The following BABAM2 variants were observed in gnomAD, a reference collection of about 807,000 sequenced individuals.
BABAM2 encodes BRISC and BRCA1 A complex member 2.
BABAM2 carries 31 observed loss-of-function variants against 54.7 expected under a neutral mutation model. The ratio of observed to expected loss-of-function variants is 0.57; its 90% CI spans 0.43 to 0.77. BABAM2 has a LOEUF of 0.77. BABAM2 is among the 30% of genes least tolerant of loss of function. The pLI, the probability that BABAM2 is intolerant of heterozygous loss-of-function variation, is 0.00. For missense variants in BABAM2, 364 were observed against 455.8 expected (o/e 0.80, Z 1.83); for synonymous variants, 167 against 162.9 (o/e 1.03, Z -0.19).
At chr2:28,258,666 T>C (rs2148125085) in intron 10 of BABAM2, among the ~76,000 whole-genome samples, 1 of 134,162 alleles carries the variant, frequency 7.5e-6, no homozygotes, top group African/African-American at 2.7e-5. Flanking sequence ...CAGGCTGTAG[T>C]GCAGTGGCGC....
chr2:28,298,438 A>C lies in BABAM2; in HGVS notation c.1035A>C (p.Lys345Asn). The C allele has an allele frequency of 6.2e-7, 1 of 1,614,218 alleles. No homozygotes were observed. Among genetic ancestry groups the C allele is most frequent in the South Asian group, 1.1e-5 (1 of 91,088 alleles). The change falls in exon 11 of 12, where the codon AAA becomes AAC. Residue 345 changes from lysine to asparagine, a missense_variant. By Grantham distance (94) the Lys-to-Asn change is moderately conservative (BLOSUM62 0). Coordinates refer to ENST00000379624, the MANE Select transcript of BABAM2 (RefSeq NM_199191.3). The part of the protein sequence containing the change: ...NSGQLYSQAQ[K>N]NYPYSPRWDG... ...GACAGCTTTACTCCCAGGCCCAAAA[A>C]AATTATCCGTACAGCCCCAGATGGG...
intron 4 of BABAM2, among the ~76,000 whole-genome samples, chr2:27,999,488 A>G (rs1573362358): frequency 6.6e-6 from 1 of 152,340 alleles, no homozygotes; most frequent in African/African-American, 2.4e-5. Flanking sequence ...ATACGGTTAC[A>G]AAAGTAGGTT....
intron 6 of BABAM2, among the ~76,000 whole-genome samples, chr2:28,110,848 T>TGCACAAG (rs1667944849): frequency 6.6e-6 from 1 of 152,178 alleles, no homozygotes; most frequent in Non-Finnish European, 1.5e-5. Context: ...CTCCAGTTTC[T>TGCACAAG]TGACATTCTC....
At chr2:28,021,936 A>G (rs1046163304) in intron 4 of BABAM2, among the ~76,000 whole-genome samples, 2 of 152,154 alleles carry the variant, frequency 1.3e-5, no homozygotes, top group African/African-American at 2.4e-5. Context: ...GCATGTCTAA[A>G]TTTGTGGCAC....
chr2:28,051,873 C>T (rs1678023922), intron 6 of BABAM2, among the ~76,000 whole-genome samples: 1 of 152,096 alleles, frequency 6.6e-6, no homozygotes, highest in African/African-American at 2.4e-5. Flanking sequence ...TGGTCTTGAA[C>T]TTCTGACCTC....
chr2:27,894,188 G>T (rs1262500465), intron 1 of BABAM2, among the ~76,000 whole-genome samples: 1 of 152,118 alleles, frequency 6.6e-6, no homozygotes, highest in Non-Finnish European at 1.5e-5. Context: ...AGGATTGTTA[G>T]CGAGGGCTCC....
intron 7 of BABAM2, among the ~76,000 whole-genome samples, chr2:28,131,596 G>A (rs959439469): frequency 6.6e-6 from 1 of 151,998 alleles, no homozygotes; most frequent in Non-Finnish European, 1.5e-5. Context: ...TCTTAGTGTT[G>A]TTTTCAGGAT....
chr2:28,076,197 C>T (rs570533987), intron 6 of BABAM2, among the ~76,000 whole-genome samples: 1 of 152,122 alleles, frequency 6.6e-6, no homozygotes, highest in South Asian at 2.1e-4. Flanking sequence ...TCGCTTGAGC[C>T]TGGGAGGTCA....
chr2:28,219,327 C>G (rs537705011), intron 7 of BABAM2, among the ~76,000 whole-genome samples: 46 of 152,354 alleles, frequency 3.0e-4, no homozygotes, highest in Non-Finnish European at 5.4e-4. Context: ...AATGGCAAGT[C>G]CAGTCCCTCT....
intron 7 of BABAM2, among the ~76,000 whole-genome samples, chr2:28,155,732 G>C (rs912918010): frequency 2.0e-5 from 3 of 152,144 alleles, no homozygotes; most frequent in Admixed American, 2.0e-4. Flanking sequence ...AGAAAAAACA[G>C]CATTTTCTTT....
intron 7 of BABAM2, among the ~76,000 whole-genome samples, chr2:28,145,736 T>TC (rs1339444105): frequency 6.6e-6 from 1 of 152,194 alleles, no homozygotes; most frequent in African/African-American, 2.4e-5. Context: ...CTCCCAGTTT[T>TC]CCCCAACCCT....
chr2:28,165,529 C>CTTTTTTTT (rs1192641957), intron 7 of BABAM2, among the ~76,000 whole-genome samples: 59 of 72,278 alleles, frequency 8.2e-4, no homozygotes, highest in South Asian at 1.9e-3. Flanking sequence ...TTTTTCCTTG[C>CTTTTTTTT]TTTTTTTTTT....
intron 10 of BABAM2, among the ~76,000 whole-genome samples, chr2:28,262,952 G>T (rs1440301118): frequency 6.6e-6 from 1 of 152,082 alleles, no homozygotes; most frequent in Non-Finnish European, 1.5e-5. Context: ...AAATTCCTGA[G>T]ATGGCCCGAC....
intron 6 of BABAM2, among the ~76,000 whole-genome samples, chr2:28,058,048 G>T (rs1235364495): frequency 6.6e-6 from 1 of 152,050 alleles, no homozygotes; most frequent in Non-Finnish European, 1.5e-5. Context: ...GGAGGCTGAG[G>T]CAGGAGAATG....
At chr2:27,904,313 A>G (rs1351921098) in intron 2 of BABAM2, among the ~76,000 whole-genome samples, 5 of 152,254 alleles carry the variant, frequency 3.3e-5, no homozygotes. Context: ...GGACTACTAT[A>G]CATCAAAAGT....
At chr2:28,317,810 T>A (rs1028275722) in intron 11 of BABAM2, among the ~76,000 whole-genome samples, 2 of 152,196 alleles carry the variant, frequency 1.3e-5, no homozygotes, top group African/African-American at 4.8e-5. Flanking sequence ...CAGTTCCTGT[T>A]TCTCCCCTTT....
chr2:27,987,894 C>A, intron 3 of BABAM2, 99 bp from the exon 4 acceptor site: 21 of 910,966 alleles, frequency 2.3e-5, no homozygotes, highest in South Asian at 4.8e-5. Context: ...TTTTCTTAAA[C>A]TAATGTAAAT....
At chr2:27,940,955 C>T (rs1668832490) in intron 3 of BABAM2, among the ~76,000 whole-genome samples, 1 of 152,124 alleles carries the variant, frequency 6.6e-6, no homozygotes, top group Non-Finnish European at 1.5e-5. Flanking sequence ...TTCTGTTTCT[C>T]CCCACATTGG....
At chr2:28,285,455 A>G (rs1686711748) in intron 10 of BABAM2, among the ~76,000 whole-genome samples, 1 of 152,232 alleles carries the variant, frequency 6.6e-6, no homozygotes, top group Admixed American at 6.5e-5. Flanking sequence ...GCACGGTATA[A>G]GTCCAGCATG....
Sources: gnomAD v4.1 joint callset for allele counts (sites outside exome capture counted in the v4.1 genomes callset) on GRCh38, gnomAD v4.1.1 for gene constraint, MANE v1.5 for transcripts, NCBI Gene and HGNC (gene_info 2026-07-23, HGNC 2026-07-21) for gene names.